AIM2: variants seen among roughly 807,000 people sequenced by gnomAD.
AIM2 encodes interferon-inducible protein AIM2.
In AIM2, 30 loss-of-function variants were observed where a neutral mutation model predicts 27.7. The observed-to-expected ratio is 1.08, with a 90% confidence interval of 0.81 to 1.47. The LOEUF (loss-of-function observed/expected upper bound fraction) is 1.47, where lower values mean the gene tolerates loss of function less well. Ranked by LOEUF, AIM2 falls within the 40% of genes most tolerant of loss-of-function variation. The pLI is 0.00. For synonymous variants in AIM2, 141 were observed against 145.3 expected (o/e 0.97, Z 0.21); for missense variants, 358 against 411.3 (o/e 0.87, Z 1.12).
At chr1:159,103,081 T>A (rs1657350556) in intron 1 of AIM2, among the ~76,000 whole-genome samples, 1 of 152,146 alleles carries the variant, frequency 6.6e-6, no homozygotes, top group Non-Finnish European at 1.5e-5. Flanking sequence ...AGGCACCCAG[T>A]GGGAGGTAAT....
chr1:159,128,324 T>C (rs1479066094), intron 1 of AIM2, among the ~76,000 whole-genome samples: 1 of 152,040 alleles, frequency 6.6e-6, no homozygotes, highest in Non-Finnish European at 1.5e-5. Context: ...TGCATGACTC[T>C]GGGGTTACAC....
chr1:159,083,599 ATTTAGCTCTACTAAAT>A (rs1557899324), intron 1 of AIM2, among the ~76,000 whole-genome samples: 2 of 152,222 alleles, frequency 1.3e-5, no homozygotes, highest in South Asian at 2.1e-4. Flanking sequence ...ATTCTATACC[ATTTAGCTCTACTAAAT>A]TTTAGCTCTA....
intron 1 of AIM2, among the ~76,000 whole-genome samples, chr1:159,096,607 CTT>C (rs1345992626): frequency 6.6e-6 from 1 of 152,068 alleles, no homozygotes; most frequent in Non-Finnish European, 1.5e-5. Context: ...CCTCTCTAAA[CTT>C]TTCATAATTT....
upstream of AIM2, among the ~76,000 whole-genome samples, chr1:159,142,040 C>T (rs545355116): frequency 2.6e-5 from 4 of 152,254 alleles, no homozygotes; most frequent in African/African-American, 9.6e-5. Flanking sequence ...CTGCAGAAAA[C>T]GCAGAAGCCA....
At chr1:159,113,570 C>T (rs989597467) in intron 1 of AIM2, among the ~76,000 whole-genome samples, 1 of 152,222 alleles carries the variant, frequency 6.6e-6, no homozygotes, top group South Asian at 2.1e-4. Flanking sequence ...AATCGGACTA[C>T]CTACAGCTTT....
intron 1 of AIM2, among the ~76,000 whole-genome samples, chr1:159,104,692 C>T (rs112897047): frequency 0.014 from 2,058 of 152,188 alleles, 55 homozygotes; most frequent in African/African-American, 0.046. Context: ...TGACTTCGTT[C>T]GTCTCTTTTT....
intron 1 of AIM2, among the ~76,000 whole-genome samples, chr1:159,105,586 G>A (rs1657421504): frequency 6.6e-6 from 1 of 152,160 alleles, no homozygotes; most frequent in Admixed American, 6.5e-5. Context: ...CCCAAAGTGG[G>A]TAGCTCCTAT....
At chr1:159,093,256 T>TA (rs1276260420) in intron 1 of AIM2, among the ~76,000 whole-genome samples, 1 of 152,182 alleles carries the variant, frequency 6.6e-6, no homozygotes, top group East Asian at 1.9e-4. Context: ...TCTAGCATGA[T>TA]ACTTCAATTC....
intron 2 of AIM2, 25 bp from the exon 3 acceptor site, chr1:159,068,726 C>A: frequency 6.2e-7 from 1 of 1,610,894 alleles, no homozygotes; most frequent in Middle Eastern, 1.7e-4. Context: ...AAAGACATGG[C>A]CAATAAGCAT....
intron 2 of AIM2, among the ~76,000 whole-genome samples, chr1:159,072,731 C>T (rs545559119): frequency 5.3e-5 from 8 of 152,042 alleles, no homozygotes; most frequent in Non-Finnish European, 7.4e-5. Context: ...AGGAGATCAT[C>T]GCCTAAAGAA....
chr1:159,110,463 A>G (rs1169965057), intron 1 of AIM2, among the ~76,000 whole-genome samples: 1 of 152,326 alleles, frequency 6.6e-6, no homozygotes. Context: ...CGCTAGGTAC[A>G]AGAGGCCCAA....
chr1:159,135,464 C>G (rs1647996290), intron 1 of AIM2, among the ~76,000 whole-genome samples: 1 of 152,152 alleles, frequency 6.6e-6, no homozygotes, highest in Admixed American at 6.5e-5. Flanking sequence ...TAGAATGTAG[C>G]ATAAAGTCTA....
rs756118457 is a variant in AIM2 at position 159,066,193 on chromosome 1, T to C, written c.533A>G (p.His178Arg). The change falls in exon 4 of 6, where the codon CAT (histidine) becomes CGT (arginine). Residue 178 changes from histidine (H) to arginine (R), a missense_variant. Transcript: ENST00000368130. ...ETQEGKQEMF[H>R]ATVATEKEFF... is the part of the protein sequence containing the mutation. ...TTCCTTTTCTGTAGCCACTGTAGCA[T>C]GAAACATCTCCTGCTTGCCTTCTTG... 71 of 1,614,248 alleles carry C rather than the reference T, an allele frequency of 4.4e-5. No individual in the cohort carries two copies. In the South Asian group the frequency reaches 7.5e-4, roughly 17 times the overall value.
chr1:159,069,671 T>C (rs1004306276), intron 2 of AIM2, among the ~76,000 whole-genome samples: 20 of 151,834 alleles, frequency 1.3e-4, no homozygotes, highest in Non-Finnish European at 1.0e-4. Context: ...GCCTCCTGAG[T>C]AGCTGGGATT....
At chr1:159,091,972 C>A (rs1166404646) in intron 1 of AIM2, among the ~76,000 whole-genome samples, 1 of 152,144 alleles carries the variant, frequency 6.6e-6, no homozygotes, top group African/African-American at 2.4e-5. Context: ...TGCCCAAGGG[C>A]ACACACACCC....
At chr1:159,136,543 C>A (rs1274658612) in intron 1 of AIM2, among the ~76,000 whole-genome samples, 1 of 152,136 alleles carries the variant, frequency 6.6e-6, no homozygotes, top group Non-Finnish European at 1.5e-5. Flanking sequence ...TATCAACTTC[C>A]CTTATCATAA....
intron 1 of AIM2, among the ~76,000 whole-genome samples, chr1:159,130,834 AC>A (rs1647851062): frequency 7.7e-6 from 1 of 129,512 alleles, no homozygotes; most frequent in African/African-American, 2.6e-5. Flanking sequence ...ACACACACAC[AC>A]ACACACACGC....
At chr1:159,078,897 C>T (rs148590167), upstream of AIM2, among the ~76,000 whole-genome samples, 808 of 152,312 alleles carry the variant, frequency 5.3e-3, 4 homozygotes, top group Non-Finnish European at 8.5e-3. Flanking sequence ...CTCACCGTTA[C>T]TGACATTTTG....
chr1:159,097,725 TG>T (rs1657208132), intron 1 of AIM2, among the ~76,000 whole-genome samples: 1 of 152,208 alleles, frequency 6.6e-6, no homozygotes, highest in Non-Finnish European at 1.5e-5. Context: ...GAAGTTGTTG[TG>T]AGGATCACAT....
Sources: gnomAD v4.1 joint callset for allele counts (sites outside exome capture counted in the v4.1 genomes callset) on GRCh38, gnomAD v4.1.1 for gene constraint, MANE v1.5 for transcripts, NCBI Gene and HGNC (gene_info 2026-07-23, HGNC 2026-07-21) for gene names.